The following UNC79 variants were observed in gnomAD, a reference collection of about 807,000 sequenced individuals.
UNC79 encodes protein unc-79 homolog.
UNC79 carries 37 observed loss-of-function variants against 283.1 expected under a neutral mutation model. The ratio of observed to expected loss-of-function variants is 0.13; its 90% CI spans 0.10 to 0.17. The LOEUF is 0.17. UNC79 is among the 10% of genes least tolerant of loss of function. The pLI, the probability that UNC79 is intolerant of heterozygous loss-of-function variation, is 1.00. For synonymous variants in UNC79, 1,107 were observed against 1,200.2 expected, an observed-to-expected ratio of 0.92 and a Z score of 1.61; for missense variants, 2,272 against 3,211.1, an observed-to-expected ratio of 0.71 and a Z score of 7.07.
chr14:93,635,603 A>G (rs2140133268), intron 31 of UNC79, among the ~76,000 whole-genome samples: 1 of 152,326 alleles, frequency 6.6e-6, no homozygotes, highest in South Asian at 2.1e-4. Context: ...TTATGTACAT[A>G]ATTTTACTTG....
intron 25 of UNC79, 95 bp downstream of exon 25, chr14:93,600,865 A>G (rs989610137): frequency 1.9e-5 from 26 of 1,351,110 alleles, no homozygotes; most frequent in African/African-American, 1.4e-4. Flanking sequence ...TAATTCCTCT[A>G]CAGAGGATGC....
chr14:93,677,635 T>C (rs1030131231), intron 41 of UNC79, among the ~76,000 whole-genome samples: 83 of 152,176 alleles, frequency 5.5e-4, no homozygotes, highest in African/African-American at 2.0e-3. Context: ...GGAGAAACGT[T>C]GTTTCTCTTG....
At chr14:93,636,353 A>T (rs752399531) in intron 31 of UNC79, among the ~76,000 whole-genome samples, 1 of 152,156 alleles carries the variant, frequency 6.6e-6, no homozygotes, top group African/African-American at 2.4e-5. Context: ...CGAGTCACCA[A>T]GTCCTACAAG....
intron 43 of UNC79, among the ~76,000 whole-genome samples, chr14:93,687,623 G>C (rs1566925651): frequency 6.6e-6 from 1 of 152,132 alleles, no homozygotes; most frequent in East Asian, 1.9e-4. Flanking sequence ...TTGGTACAGT[G>C]ATAGATTTGC....
chr14:93,472,472 AC>A (rs201664782), intron 2 of UNC79, among the ~76,000 whole-genome samples: 2 of 910 alleles, frequency 2.2e-3, no homozygotes, highest in Admixed American at 0.042. Flanking sequence ...CCTTTAAATT[AC>A]AAAAAAAAAT....
chr14:93,660,549 ATATATATATATATATGTGTG>A (rs1238906355), intron 39 of UNC79, among the ~76,000 whole-genome samples: 5 of 118,774 alleles, frequency 4.2e-5, no homozygotes, highest in African/African-American at 2.0e-4. Context: ...ATATATATAT[ATATATATATATATATGTGTG>A]TGTGTGTGTG....
intron 1 of UNC79, among the ~76,000 whole-genome samples, chr14:93,341,380 T>C (rs148479103): frequency 6.8e-4 from 104 of 151,990 alleles, no homozygotes; most frequent in African/African-American, 2.1e-3. Context: ...TCGCTTGAAC[T>C]TGGGAGGCAG....
rs143829870 is a variant in UNC79 at position 93,456,491 on chromosome 14, C to T, written c.23-11180C>T. Among the ~76,000 whole-genome samples, 31 of 152,232 alleles carry T rather than the reference C, an allele frequency of 2.0e-4. No homozygotes were observed. The East Asian group carries it at 5.8e-3, about 28-fold the overall frequency. ...ACACCTTCTACCCTCAGGGCCTCTT[C>T]TCTGTGGCTCTAATCCAACAGAGGA... is the stretch of plus-strand genomic sequence containing the variant. On this transcript the variant is annotated intron_variant, in intron 1 of 48. Transcript: ENST00000555664.
At chr14:93,476,624 A>C (rs1373568475) in intron 3 of UNC79, among the ~76,000 whole-genome samples, 2 of 152,198 alleles carry the variant, frequency 1.3e-5, no homozygotes, top group Admixed American at 6.5e-5. Context: ...TCTGCTGCAA[A>C]ACAAAGAAGA....
intron 35 of UNC79, among the ~76,000 whole-genome samples, chr14:93,653,259 C>G (rs2140336003): frequency 6.6e-6 from 1 of 152,060 alleles, no homozygotes; most frequent in East Asian, 1.9e-4. Context: ...TTACAAGTGT[C>G]AGCTCAGATG....
At chr14:93,583,136 A>G (rs1412624751) in intron 20 of UNC79, among the ~76,000 whole-genome samples, 1 of 152,100 alleles carries the variant, frequency 6.6e-6, no homozygotes, top group Non-Finnish European at 1.5e-5. Context: ...AGCCTGGCCA[A>G]CTTGGAGAAA....
At chr14:93,623,606 T>C (rs955744189) in intron 30 of UNC79, among the ~76,000 whole-genome samples, 1 of 152,164 alleles carries the variant, frequency 6.6e-6, no homozygotes, top group Non-Finnish European at 1.5e-5. Context: ...TTAAAAAAAG[T>C]TAATGGGGCT....
intron 1 of UNC79, among the ~76,000 whole-genome samples, chr14:93,356,404 A>AT (rs2054087278): frequency 1.3e-5 from 2 of 152,162 alleles, no homozygotes; most frequent in Non-Finnish European, 2.9e-5. Flanking sequence ...CAATCACCTG[A>AT]TTCCTCTCCC....
intron 3 of UNC79, 43 bp from the exon 4 acceptor site, chr14:93,477,514 AT>A: frequency 6.7e-7 from 1 of 1,487,228 alleles, no homozygotes; most frequent in Non-Finnish European, 9.0e-7. Flanking sequence ...TATTTTGTTA[AT>A]TGCAAAATAT....
intron 14 of UNC79, among the ~76,000 whole-genome samples, chr14:93,570,701 G>A (rs1167816781): frequency 1.3e-5 from 2 of 152,110 alleles, no homozygotes; most frequent in Non-Finnish European, 2.9e-5. Context: ...CCTCCCCTAT[G>A]GGTAATTAGG....
At chr14:93,539,459 T>G (rs941177756) in intron 12 of UNC79, among the ~76,000 whole-genome samples, 1 of 151,474 alleles carries the variant, frequency 6.6e-6, no homozygotes, top group African/African-American at 2.4e-5. Flanking sequence ...AGGCGGAGGT[T>G]GCAGTGAGCT....
At chr14:93,615,552 T>A (rs141144566) in intron 27 of UNC79, among the ~76,000 whole-genome samples, 51 of 151,056 alleles carry the variant, frequency 3.4e-4, no homozygotes, top group African/African-American at 1.1e-3. Flanking sequence ...TGAAACCCTG[T>A]CTCTACTAAA....
chr14:93,554,788 A>T (rs1420674098), intron 14 of UNC79, among the ~76,000 whole-genome samples: 1 of 152,250 alleles, frequency 6.6e-6, no homozygotes, highest in African/African-American at 2.4e-5. Flanking sequence ...AACCCAAAAC[A>T]ATCCTTAAAC....
At chr14:93,600,953 G>A (rs982931313) in intron 25 of UNC79, among the ~76,000 whole-genome samples, 183 bp downstream of exon 25, 2 of 151,986 alleles carry the variant, frequency 1.3e-5, no homozygotes, top group African/African-American at 4.8e-5. Flanking sequence ...GCATATCCTG[G>A]CATTCCAAAA....
Sources: gnomAD v4.1 joint callset for allele counts (sites outside exome capture counted in the v4.1 genomes callset) on GRCh38, gnomAD v4.1.1 for gene constraint, MANE v1.5 for transcripts, NCBI Gene and HGNC (gene_info 2026-07-23, HGNC 2026-07-21) for gene names.